The following CLTCL1 variants were observed in gnomAD, a reference collection of about 807,000 sequenced individuals.
CLTCL1 encodes clathrin heavy chain like 1.
A neutral mutation model predicts 190.0 loss-of-function variants in CLTCL1; 159 were observed. The ratio of observed to expected loss-of-function variants is 0.84; its 90% CI spans 0.74 to 0.95. CLTCL1 has a LOEUF of 0.95. CLTCL1 is among the 40% of genes least tolerant of loss of function. The pLI is 0.00. For missense variants in CLTCL1, 1,878 were observed against 2,033.4 expected, an observed-to-expected ratio of 0.92 and a Z score of 1.47; for synonymous variants, 752 against 769.6, an observed-to-expected ratio of 0.98 and a Z score of 0.38.
intron 4 of CLTCL1, 42 bp from the exon 5 acceptor site, chr22:19,239,430 G>A: frequency 6.8e-7 from 1 of 1,468,288 alleles, no homozygotes; most frequent in Non-Finnish European, 9.6e-7. Context: ...ACCGCCTGTG[G>A]TGGTGGGCAA....
At position 19,276,847 on chromosome 22, in the gene CLTCL1, T is replaced by TC. The variant is rs1201325137; in HGVS notation, c.43-1018_43-1017insG. Among the ~76,000 whole-genome samples, 4 of 151,830 alleles carry TC rather than the reference T, an allele frequency of 2.6e-5. No individual in the cohort carries two copies. The East Asian group carries it at 7.8e-4, about 29-fold the overall frequency. ...ACCACGCCTGGCTATTTTTTGTATT[T>TC]TTTTTTAGTAGAGACGGGGTTTCAC... On this transcript the variant is annotated intron_variant, in intron 1 of 32. Transcript: ENST00000427926.
intron 1 of CLTCL1, among the ~76,000 whole-genome samples, chr22:19,290,425 T>G (rs1301935981): frequency 1.3e-5 from 2 of 152,196 alleles, no homozygotes; most frequent in Non-Finnish European, 2.9e-5. Context: ...AAATGATAAC[T>G]ACATCATCAT....
chr22:19,269,047 G>A (rs1264920721), intron 2 of CLTCL1, among the ~76,000 whole-genome samples: 9 of 145,836 alleles, frequency 6.2e-5, no homozygotes, highest in Admixed American at 4.2e-4. Context: ...CCGCGATAGC[G>A]CCACTGCACT....
intron 27 of CLTCL1, among the ~76,000 whole-genome samples, chr22:19,189,033 A>G (rs560947566): frequency 6.6e-6 from 1 of 152,000 alleles, no homozygotes; most frequent in Admixed American, 6.5e-5. Flanking sequence ...CCTCCTGAGT[A>G]TCTGGGATTA....
At chr22:19,276,960 C>T (rs566748387) in intron 1 of CLTCL1, among the ~76,000 whole-genome samples, 1 of 152,296 alleles carries the variant, frequency 6.6e-6, no homozygotes, top group South Asian at 2.1e-4. Flanking sequence ...GCGTGAGCCA[C>T]CGCGTCTGGT....
chr22:19,208,921 C>T lies in CLTCL1; in HGVS notation c.3442+1G>A, dbSNP rs781865301. ...GCCCTAGGGAGAGGGGACTCACTTA[C>T]TGCTCCTGCTGGCTGACTGAACAAC... is the stretch of plus-strand genomic sequence containing the variant. On this transcript the variant is annotated splice_donor_variant, in intron 21 of 32. Coordinates refer to ENST00000427926, the MANE Select transcript of CLTCL1 (RefSeq NM_007098.4). LOFTEE classifies it high-confidence loss of function. 5 of 1,602,346 alleles carry T rather than the reference C, an allele frequency of 3.1e-6. No homozygotes were observed. The highest frequency in any genetic ancestry group is 2.6e-6 in the Non-Finnish European group (3 of 1,174,034).
At chr22:19,268,669 G>A (rs186997264) in intron 2 of CLTCL1, among the ~76,000 whole-genome samples, 1 of 152,252 alleles carries the variant, frequency 6.6e-6, no homozygotes, top group East Asian at 1.9e-4. Flanking sequence ...CACAACCACT[G>A]GAATTGCTAT....
At chr22:19,214,453 C>T (rs781972061) in intron 19 of CLTCL1, among the ~76,000 whole-genome samples, 1 of 152,112 alleles carries the variant, frequency 6.6e-6, no homozygotes, top group Non-Finnish European at 1.5e-5. Context: ...TCTTTTATTA[C>T]AACTTTTCCC....
chr22:19,274,335 C>A (rs1230451144), intron 2 of CLTCL1, among the ~76,000 whole-genome samples: 1 of 152,082 alleles, frequency 6.6e-6, no homozygotes, highest in Non-Finnish European at 1.5e-5. Flanking sequence ...ACATAAAATG[C>A]AGAAAAGGGC....
At chr22:19,197,513 C>A (rs1400157415) in intron 24 of CLTCL1, among the ~76,000 whole-genome samples, 1 of 152,180 alleles carries the variant, frequency 6.6e-6, no homozygotes, top group Non-Finnish European at 1.5e-5. Flanking sequence ...CAGCTGGGTT[C>A]AGCAAGCATC....
At position 19,188,614 on chromosome 22, in the gene CLTCL1, C is replaced by CTT. The variant is rs1195452293; in HGVS notation, c.4324-525_4324-524dup. ...GGAGAGGCTGTGGCAATTTCTTTTT[C>CTT]TTTTTTTTTTTTTTTTGAGATGGAG... On this transcript the variant is annotated intron_variant, in intron 27 of 32. Coordinates refer to ENST00000427926, the MANE Select transcript of CLTCL1 (RefSeq NM_007098.4). Among the ~76,000 whole-genome samples the CTT allele has an allele frequency of 2.0e-4, 27 of 137,026 alleles. 1 individual carries two copies. In the East Asian group the frequency reaches 2.4e-3, roughly 12 times the overall value. 89.9% of individuals were successfully genotyped at this position (137,026 alleles called of 152,430 possible).
At chr22:19,282,655 A>G (rs187757602) in intron 1 of CLTCL1, among the ~76,000 whole-genome samples, 200 of 151,816 alleles carry the variant, frequency 1.3e-3, no homozygotes, top group African/African-American at 4.2e-3. Flanking sequence ...AAAGAAAAAG[A>G]AAAAAAGAAA....
chr22:19,225,944 A>G (rs782600816), intron 12 of CLTCL1, among the ~76,000 whole-genome samples: 4 of 152,362 alleles, frequency 2.6e-5, no homozygotes, highest in South Asian at 2.1e-4. Flanking sequence ...TAGGTTGTCA[A>G]TGTTAAAAGG....
At chr22:19,192,890 G>GC (rs1253626481) in intron 26 of CLTCL1, among the ~76,000 whole-genome samples, 1 of 152,254 alleles carries the variant, frequency 6.6e-6, no homozygotes, top group Non-Finnish European at 1.5e-5. Context: ...TCCTATTGGA[G>GC]CTCTAGCACC....
At chr22:19,193,684 G>A (rs1309923302) in intron 26 of CLTCL1, among the ~76,000 whole-genome samples, 1 of 152,192 alleles carries the variant, frequency 6.6e-6, no homozygotes, top group Admixed American at 6.5e-5. Flanking sequence ...GTGGGTTCTT[G>A]GTCTCACTGA....
At chr22:19,226,495 G>T in intron 11 of CLTCL1, 112 bp from the exon 12 acceptor site, 1 of 1,207,750 alleles carries the variant, frequency 8.3e-7, no homozygotes, top group Non-Finnish European at 1.2e-6. Context: ...AGAACTCACA[G>T]GCCCCTGTCC....
At chr22:19,205,805 A>T (rs534940228) in intron 22 of CLTCL1, among the ~76,000 whole-genome samples, 104 of 152,364 alleles carry the variant, frequency 6.8e-4, no homozygotes, top group African/African-American at 2.3e-3. Flanking sequence ...ACATATTTTT[A>T]AAAAATTTTA....
intron 11 of CLTCL1, among the ~76,000 whole-genome samples, chr22:19,228,112 T>C (rs2085808906): frequency 6.6e-6 from 1 of 152,218 alleles, no homozygotes; most frequent in Non-Finnish European, 1.5e-5. Context: ...ACAGCCACTG[T>C]CACACACCAG....
Position 19,183,864 on chromosome 22 carries a change from C to G in CLTCL1, c.4606-253G>C, listed in dbSNP as rs782084308. ...GCAGGTGCCCTGGGAGACAGGAACT[C>G]TAGCCCCGAGGGCAGAGGGCGTGCA... On this transcript the variant is annotated intron_variant, in intron 29 of 32. Transcript: ENST00000427926. 144 of 526,528 alleles carry G rather than the reference C, an allele frequency of 2.7e-4. 1 individual carries two copies. Among genetic ancestry groups the G allele is most frequent in the South Asian group, 6.3e-4 (31 of 48,980 alleles). The allele number at this position is 526,528 out of a possible 1,614,324, so 32.6% of individuals were successfully genotyped here.
Sources: allele counts gnomAD v4.1 joint callset (sites outside exome capture counted in the v4.1 genomes callset), GRCh38; gene constraint gnomAD v4.1.1; transcripts MANE v1.5; gene names NCBI Gene and HGNC (gene_info 2026-07-23, HGNC 2026-07-21).